TMEM132C: variants seen among roughly 807,000 people sequenced by gnomAD.
The protein encoded by TMEM132C is transmembrane protein 132C.
Under a neutral mutation model 61.4 loss-of-function variants are expected in TMEM132C, and 29 were observed. The observed-to-expected ratio is 0.47, with a 90% CI of 0.35 to 0.64. The LOEUF (loss-of-function observed/expected upper bound fraction) is 0.64. Among genes scored for constraint, TMEM132C ranks in the 30% least tolerant of loss-of-function variants. The probability of loss-of-function intolerance (pLI) is 0.00; values close to 1 mark genes in which losing one functional copy is unlikely to be tolerated. For synonymous variants in TMEM132C, 656 were observed against 633.1 expected, an observed-to-expected ratio of 1.04 and a Z score of -0.54; for missense variants, 1,408 against 1,476.9, an observed-to-expected ratio of 0.95 and a Z score of 0.76.
chr12:128,524,813 A>G (rs752872323), intron 2 of TMEM132C, among the ~76,000 whole-genome samples: 1 of 152,226 alleles, frequency 6.6e-6, no homozygotes, highest in African/African-American at 2.4e-5. Context: ...GACTTAGGGT[A>G]TAAATGCCAG....
chr12:128,443,631 G>GTC (rs1232563070), intron 2 of TMEM132C, among the ~76,000 whole-genome samples: 1 of 152,094 alleles, frequency 6.6e-6, no homozygotes, highest in Non-Finnish European at 1.5e-5. Flanking sequence ...GTATTTTAAA[G>GTC]TCTCTCTCTG....
At chr12:128,599,684 A>T (rs1876100523) in intron 3 of TMEM132C, among the ~76,000 whole-genome samples, 1 of 152,228 alleles carries the variant, frequency 6.6e-6, no homozygotes, top group Non-Finnish European at 1.5e-5. Context: ...AAAAAGCAAG[A>T]GTGTTCTTCT....
intron 1 of TMEM132C, among the ~76,000 whole-genome samples, chr12:128,394,389 G>A (rs533306525): frequency 6.6e-6 from 1 of 152,328 alleles, no homozygotes; most frequent in South Asian, 2.1e-4. Flanking sequence ...GAAGCCAACA[G>A]CATCCTCTGC....
At chr12:128,519,238 CTA>C (rs1350210940) in intron 2 of TMEM132C, among the ~76,000 whole-genome samples, 1 of 152,170 alleles carries the variant, frequency 6.6e-6, no homozygotes, top group African/African-American at 2.4e-5. Context: ...TCCAGACAAA[CTA>C]TGGATAAGGT....
At chr12:128,378,667 G>A (rs905779594) in intron 1 of TMEM132C, among the ~76,000 whole-genome samples, 13 of 152,144 alleles carry the variant, frequency 8.5e-5, no homozygotes, top group Non-Finnish European at 1.8e-4. Flanking sequence ...CAGTGAGTAG[G>A]GTGACGGTCA....
At position 128,481,208 on chromosome 12, in the gene TMEM132C, C is replaced by T. The variant is rs368305073; in HGVS notation, c.975-62749C>T. ...CTAGTAAGGGCAGCGGCAGGTGACA[C>T]CTTGTAAGGGTACACGGGTGCTAGC... On this transcript the variant is annotated intron_variant, in intron 2 of 8. Transcript: ENST00000435159. Among the ~76,000 whole-genome samples the T allele has an allele frequency of 2.1e-4, 32 of 152,298 alleles. 1 individual carries two copies. The East Asian group carries it at 3.9e-3, about 18-fold the overall frequency.
intron 3 of TMEM132C, among the ~76,000 whole-genome samples, chr12:128,573,260 T>A (rs12812772): frequency 0.081 from 12,273 of 152,194 alleles, 909 homozygotes; most frequent in East Asian, 0.23. Context: ...CACCATGGAA[T>A]ACTATGCAGC....
At chr12:128,544,241 G>A (rs1029569405) in intron 3 of TMEM132C, 138 bp downstream of exon 3, 3 of 1,265,772 alleles carry the variant, frequency 2.4e-6, no homozygotes, top group Admixed American at 3.3e-5. Flanking sequence ...GAAATCTGGA[G>A]GCATTGATAT....
At position 128,616,349 on chromosome 12, in the gene TMEM132C, T is replaced by TA. The variant is rs926972997; in HGVS notation, c.1305+15dup. The TA allele has an allele frequency of 1.3e-6, 2 of 1,544,756 alleles. No homozygotes were observed. The highest frequency in any genetic ancestry group is 2.7e-5 in the African/African-American group (2 of 72,880). ...CCCTTGGCTATGGTGAGTCCTGAGT[T>TA]ACCTTGGATGCTCCTGCATTCAGCC... is the stretch of plus-strand genomic sequence containing the variant. On this transcript the variant is annotated intron_variant, in intron 4 of 8. Transcript: ENST00000435159.
At chr12:128,329,141 G>A (rs1354373662) in intron 1 of TMEM132C, among the ~76,000 whole-genome samples, 1 of 152,140 alleles carries the variant, frequency 6.6e-6, no homozygotes, top group African/African-American at 2.4e-5. Flanking sequence ...TTGGTAACCC[G>A]GGGATTTGCA....
intron 3 of TMEM132C, among the ~76,000 whole-genome samples, chr12:128,584,963 C>G (rs781128033): frequency 6.6e-6 from 1 of 152,206 alleles, no homozygotes; most frequent in Non-Finnish European, 1.5e-5. Context: ...AGCATCATGT[C>G]TGCCAATTGT....
intron 5 of TMEM132C, among the ~76,000 whole-genome samples, chr12:128,692,483 G>T (rs1954727344): frequency 6.6e-6 from 1 of 152,186 alleles, no homozygotes; most frequent in African/African-American, 2.4e-5. Context: ...GGGTCATATT[G>T]TTTCTCTATA....
chr12:128,603,622 A>G (rs1276096355), intron 3 of TMEM132C, among the ~76,000 whole-genome samples: 3 of 152,004 alleles, frequency 2.0e-5, no homozygotes, highest in East Asian at 1.9e-4. Context: ...ATTACTTTAT[A>G]TATTTACTTT....
At chr12:128,413,160 A>G (rs973189823) in intron 1 of TMEM132C, among the ~76,000 whole-genome samples, 1 of 151,960 alleles carries the variant, frequency 6.6e-6, no homozygotes, top group African/African-American at 2.4e-5. Flanking sequence ...TTAGCCAGGC[A>G]TGGTGGTGGG....
At chr12:128,291,274 C>T (rs1871238981) in intron 1 of TMEM132C, among the ~76,000 whole-genome samples, 1 of 152,218 alleles carries the variant, frequency 6.6e-6, no homozygotes, top group Non-Finnish European at 1.5e-5. Flanking sequence ...CCTTTGAAGT[C>T]CAGTTCCCCT....
At chr12:128,589,663 G>A (rs946633602) in intron 3 of TMEM132C, among the ~76,000 whole-genome samples, 1 of 152,186 alleles carries the variant, frequency 6.6e-6, no homozygotes, top group African/African-American at 2.4e-5. Flanking sequence ...CAGCACAGAG[G>A]CAGTAGAAGT....
chr12:128,309,643 CTG>C (rs757445587), intron 1 of TMEM132C, among the ~76,000 whole-genome samples: 25 of 152,142 alleles, frequency 1.6e-4, no homozygotes, highest in Non-Finnish European at 2.5e-4. Flanking sequence ...TATGTGACCT[CTG>C]TGTCTGGCTT....
At chr12:128,509,670 G>A (rs1872508835) in intron 2 of TMEM132C, among the ~76,000 whole-genome samples, 1 of 152,150 alleles carries the variant, frequency 6.6e-6, no homozygotes. Flanking sequence ...AGAGTGTGGG[G>A]TAGGGACGGC....
chr12:128,338,024 A>G (rs566249849), intron 1 of TMEM132C, among the ~76,000 whole-genome samples: 4 of 151,648 alleles, frequency 2.6e-5, no homozygotes, highest in African/African-American at 9.7e-5. Context: ...CATATCCCCA[A>G]CTTCACACTC....
Sources: gnomAD v4.1 joint callset for allele counts (sites outside exome capture counted in the v4.1 genomes callset) on GRCh38, gnomAD v4.1.1 for gene constraint, MANE v1.5 for transcripts, NCBI Gene and HGNC (gene_info 2026-07-23, HGNC 2026-07-21) for gene names.